The following CCNK variants were observed in gnomAD, a reference collection of about 807,000 sequenced individuals.
The protein encoded by CCNK is cyclin-K.
A neutral mutation model predicts 65.0 loss-of-function variants in CCNK; 9 were observed. The observed-to-expected ratio is 0.14, with a 90% CI of 0.08 to 0.24. CCNK has a LOEUF of 0.24. CCNK is among the 10% of genes least tolerant of loss of function. The pLI, the probability that CCNK is intolerant of heterozygous loss-of-function variation, is 1.00. For missense variants in CCNK, 474 were observed against 720.0 expected (o/e 0.66, Z 3.91); for synonymous variants, 279 against 270.8 (o/e 1.03, Z -0.30).
intron 7 of CCNK, 101 bp downstream of exon 7, chr14:99,502,477 A>G (rs901406611): frequency 2.7e-6 from 4 of 1,463,058 alleles, no homozygotes; most frequent in South Asian, 2.9e-5. Flanking sequence ...AGATAGACAT[A>G]TGTGAGCAAT....
chr14:99,486,189 C>T (rs981275545), intron 1 of CCNK, among the ~76,000 whole-genome samples: 11 of 152,208 alleles, frequency 7.2e-5, no homozygotes, highest in African/African-American at 2.7e-4. Context: ...ACTACCATCT[C>T]TGGTTTAAAG....
At chr14:99,503,291 C>T (rs1200663503) in intron 8 of CCNK, 1 of 615,166 alleles carries the variant, frequency 1.6e-6, no homozygotes, top group Non-Finnish European at 2.9e-6. Flanking sequence ...GTGCATGCTG[C>T]TTCTGTGCAG....
intron 4 of CCNK, among the ~76,000 whole-genome samples, chr14:99,498,743 T>C (rs1258867667): frequency 6.6e-6 from 1 of 152,154 alleles, no homozygotes; most frequent in Non-Finnish European, 1.5e-5. Flanking sequence ...TAAAAGGTCA[T>C]TTAAGGTGCT....
In CCNK at chr14:99,500,769, G is replaced by T; in HGVS notation, c.415G>T (p.Glu139Ter). 1 of 1,549,208 alleles carries T rather than the reference G, an allele frequency of 6.5e-7. No homozygotes were observed. The change falls in exon 5 of 11, where the codon GAA becomes TAA. Residue 139 changes from glutamate to a stop codon, truncating the protein, a stop_gained. Coordinates refer to ENST00000389879, the MANE Select transcript of CCNK (RefSeq NM_001099402.2). LOFTEE classifies it high-confidence loss of function. Reference protein sequence around the residue: ...FGQFGDDPKEEVMVLERILLQ... With the variant: ...FGQFGDDPKE ...AACATTTGTGATTGATTTTTAGGAG[G>T]AAGTAATGGTTCTGGAGAGAATCTT...
At chr14:99,501,139 G>A (rs1896814427) in intron 5 of CCNK, 2 of 602,130 alleles carry the variant, frequency 3.3e-6, no homozygotes, top group South Asian at 2.1e-5. Flanking sequence ...ACTTAGCCTT[G>A]GAGCCAGGTT....
chr14:99,500,633 G>C, intron 4 of CCNK, 133 bp from the exon 5 acceptor site: 2 of 668,606 alleles, frequency 3.0e-6, no homozygotes, highest in South Asian at 3.5e-5. Context: ...CTGAGTGGGA[G>C]AGAAAGGAAG....
chr14:99,503,189 C>T (rs1896883036), intron 8 of CCNK: 1 of 713,172 alleles, frequency 1.4e-6, no homozygotes, highest in Non-Finnish European at 2.5e-6. Flanking sequence ...CAGGAGGGGG[C>T]TCTCTGCCCG....
rs542134646 is a variant in CCNK at position 99,500,614 on chromosome 14, G to A, written c.412-152G>A. 7.9e-6 allele frequency: 5 copies of A among 636,696 alleles called. 1 individual carries two copies. The Admixed American group carries it at 1.4e-4, about 18-fold the overall frequency. The allele number at this position is 636,696 out of a possible 1,614,324, so 39.4% of individuals were successfully genotyped here. ...AGAATTTATCAGTGTCTCTGAGCAT[G>A]TTAAAAGTCTGAGTGGGAGAGAAAG... On this transcript the variant is annotated intron_variant, in intron 4 of 10. Coordinates refer to ENST00000389879, the MANE Select transcript of CCNK (RefSeq NM_001099402.2).
chr14:99,485,745 A>G (rs1370712858), intron 1 of CCNK, among the ~76,000 whole-genome samples: 1 of 152,222 alleles, frequency 6.6e-6, no homozygotes, highest in Non-Finnish European at 1.5e-5. Context: ...CTGTAATCCC[A>G]GCTACTCAGG....
chr14:99,503,083 G>A (rs554258238), intron 8 of CCNK, 99 bp downstream of exon 8: 8 of 1,337,996 alleles, frequency 6.0e-6, no homozygotes, highest in Non-Finnish European at 8.6e-6. Context: ...GGGAACACCG[G>A]AAGCAGGGGG....
At chr14:99,507,252 A>G (rs1896998623) in intron 10 of CCNK, 105 bp downstream of exon 10, 2 of 779,030 alleles carry the variant, frequency 2.6e-6, no homozygotes, top group Non-Finnish European at 4.6e-6. Context: ...GCCCAGATTG[A>G]CAATGTCAGC....
At chr14:99,500,197 G>A (rs1329848590) in intron 4 of CCNK, 1 of 152,134 alleles carries the variant, frequency 6.6e-6, no homozygotes, top group Non-Finnish European at 1.5e-5. Flanking sequence ...AAGTGTTGTT[G>A]GGATGATTTA....
At chr14:99,491,590 T>A (rs2400678) in intron 1 of CCNK, among the ~76,000 whole-genome samples, 75,551 of 151,762 alleles carry the variant, frequency 0.5, 19,347 homozygotes, top group Non-Finnish European at 0.58. Context: ...CTCCAGGTAC[T>A]TAATTCTTCC....
chr14:99,495,395 G>A, intron 3 of CCNK, 103 bp from the exon 4 acceptor site: 2 of 964,030 alleles, frequency 2.1e-6, no homozygotes, highest in South Asian at 1.9e-5. Flanking sequence ...AAGAAAGGTA[G>A]GGGAATGAGG....
At chr14:99,500,406 T>C in intron 4 of CCNK, 1 of 204,122 alleles carries the variant, frequency 4.9e-6, no homozygotes, top group South Asian at 8.1e-5. Flanking sequence ...AAGATTGCAT[T>C]TTTAAAATTT....
chr14:99,487,101 G>A (rs1896505028), intron 1 of CCNK, among the ~76,000 whole-genome samples: 1 of 152,182 alleles, frequency 6.6e-6, no homozygotes. Context: ...TCCCAACTGT[G>A]AATAAATTGC....
At chr14:99,503,680 T>C (rs1896899677) in intron 9 of CCNK, 36 bp downstream of exon 9, 1 of 1,516,950 alleles carries the variant, frequency 6.6e-7, no homozygotes. Context: ...TAGTTTTATG[T>C]GTTTATATGC....
chr14:99,502,479 G>T (rs1257466374), intron 7 of CCNK, 103 bp downstream of exon 7: 3 of 1,461,436 alleles, frequency 2.1e-6, no homozygotes, highest in Non-Finnish European at 2.7e-6. Flanking sequence ...ATAGACATAT[G>T]TGAGCAATAT....
chr14:99,492,619 C>T lies in CCNK; in HGVS notation c.-52-7C>T. The T allele has an allele frequency of 7.0e-7, 1 of 1,435,784 alleles. No individual in the cohort carries two copies. Among genetic ancestry groups the T allele is most frequent in the Non-Finnish European group, 9.4e-7 (1 of 1,058,474 alleles). 88.9% of individuals were successfully genotyped at this position (1,435,784 alleles called of 1,614,324 possible). A position where few individuals can be genotyped will look rare whatever the true frequency, so the allele number is the denominator to read the frequency against. On this transcript the variant is annotated splice_region_variant and splice_polypyrimidine_tract_variant and intron_variant, in intron 1 of 10. Transcript: ENST00000389879. ...CCTTTCCAACTTTGTTTTTCTCTTTCTCATAGGATTCTAACATTTTCAGAG... is the reference window on the plus strand; with the variant it reads ...CCTTTCCAACTTTGTTTTTCTCTTTTTCATAGGATTCTAACATTTTCAGAG...
Sources: allele counts gnomAD v4.1 joint callset (sites outside exome capture counted in the v4.1 genomes callset), GRCh38; gene constraint gnomAD v4.1.1; transcripts MANE v1.5; gene names NCBI Gene and HGNC (gene_info 2026-07-23, HGNC 2026-07-21).